Variants in CELF2 observed in about 807,000 individuals in gnomAD.
The protein encoded by CELF2 is CUG triplet repeat RNA-binding protein 2.
Under a neutral mutation model 62.6 loss-of-function variants are expected in CELF2, and 8 were observed. That is an observed-to-expected ratio of 0.13 (90% confidence interval 0.07 to 0.23). The LOEUF (loss-of-function observed/expected upper bound fraction) is 0.23, where lower values mean the gene tolerates loss of function less well. CELF2 is among the 10% of genes least tolerant of loss of function. CELF2 has a pLI of 1.00. For missense variants in CELF2, 333 were observed against 671.0 expected (o/e 0.50, Z 5.56); for synonymous variants, 258 against 250.0 (o/e 1.03, Z -0.30).
chr10:11,206,971 G>A (rs928956820), intron 2 of CELF2, among the ~76,000 whole-genome samples: 3 of 152,146 alleles, frequency 2.0e-5, no homozygotes, highest in East Asian at 1.9e-4. Context: ...TTGTCCCATC[G>A]GGGGAAAAAA....
chr10:10,564,698 A>G, the CELF2 span, among the ~76,000 whole-genome samples: 1 of 150,848 alleles, frequency 6.6e-6, no homozygotes, highest in African/African-American at 2.5e-5. Context: ...ACACACACAC[A>G]CACACACACA....
At chr10:10,925,314 C>T (rs942481929) in intron 2 of CELF2, 2 of 152,198 alleles carry the variant, frequency 1.3e-5, no homozygotes. Context: ...GCTCCCCCAG[C>T]TCTCCTGGGG....
At chr10:10,738,871 C>T in the CELF2 span, among the ~76,000 whole-genome samples, 2 of 152,084 alleles carry the variant, frequency 1.3e-5, no homozygotes, top group Non-Finnish European at 2.9e-5. Context: ...AAACCGTGGA[C>T]TTTAGTTAAT....
chr10:10,849,809 T>G (rs570369629), intron 1 of CELF2, among the ~76,000 whole-genome samples: 4 of 151,830 alleles, frequency 2.6e-5, no homozygotes, highest in Admixed American at 6.6e-5. Flanking sequence ...GGATAAAAAT[T>G]TATCCAGTTA....
intron 1 of CELF2, among the ~76,000 whole-genome samples, chr10:10,883,682 G>A (rs1303093582): frequency 2.0e-5 from 3 of 152,186 alleles, no homozygotes; most frequent in Non-Finnish European, 4.4e-5. Context: ...ACGGTGCGGA[G>A]TCCTGTGGTA....
At chr10:10,548,695 G>T in the CELF2 span, among the ~76,000 whole-genome samples, 1 of 151,828 alleles carries the variant, frequency 6.6e-6, no homozygotes, top group African/African-American at 2.4e-5. Flanking sequence ...TCTCTCTTTT[G>T]AGCTTTAAGT....
At chr10:10,664,371 T>C in the CELF2 span, among the ~76,000 whole-genome samples, 1 of 152,180 alleles carries the variant, frequency 6.6e-6, no homozygotes, top group Non-Finnish European at 1.5e-5. Context: ...GTGATATTTT[T>C]AAAAAGCTCT....
chr10:10,787,178 TCTCA>T, the CELF2 span, among the ~76,000 whole-genome samples: 1 of 151,520 alleles, frequency 6.6e-6, no homozygotes, highest in Admixed American at 6.6e-5. Context: ...AAATCAGAAT[TCTCA>T]CTTTTTAATG....
the CELF2 span, among the ~76,000 whole-genome samples, chr10:10,610,074 T>G: frequency 3.3e-5 from 5 of 152,244 alleles, no homozygotes; most frequent in African/African-American, 4.8e-5. Context: ...TCAATATATT[T>G]TGCTATGCAC....
At chr10:10,627,225 A>G in the CELF2 span, among the ~76,000 whole-genome samples, 1 of 152,352 alleles carries the variant, frequency 6.6e-6, no homozygotes, top group Admixed American at 6.5e-5. Flanking sequence ...AAACTTCCCA[A>G]GAAGACCTCT....
At chr10:10,724,157 T>G in the CELF2 span, among the ~76,000 whole-genome samples, 3 of 152,162 alleles carry the variant, frequency 2.0e-5, no homozygotes, top group Non-Finnish European at 4.4e-5. Context: ...ATTCTTTTAT[T>G]TTAAGTGAAA....
chr10:10,806,203 C>CTTTT (rs112165245), intron 1 of CELF2, among the ~76,000 whole-genome samples: 10 of 141,426 alleles, frequency 7.1e-5, no homozygotes, highest in Non-Finnish European at 9.1e-5. Context: ...TTCCAGTGTT[C>CTTTT]TTTTTTTTTT....
the CELF2 span, among the ~76,000 whole-genome samples, chr10:10,600,221 A>T: frequency 6.6e-6 from 1 of 152,188 alleles, no homozygotes; most frequent in African/African-American, 2.4e-5. Context: ...TTATGATTGG[A>T]CTGCGTGGGC....
rs1457319417 is a variant in CELF2 at position 11,330,115 on chromosome 10, A to ATCTG, written c.*1067_*1070dup. 6.6e-6 allele frequency: 1 copy of ATCTG among 152,550 alleles called. No individual in the cohort carries two copies. Among genetic ancestry groups the ATCTG allele is most frequent in the Non-Finnish European group, 1.5e-5 (1 of 68,028 alleles). 9.4% of individuals were successfully genotyped at this position (152,550 alleles called of 1,614,324 possible). On this transcript the variant is annotated 3_prime_UTR_variant, in exon 13 of 13. Transcript: ENST00000633077. This position sits in a 1 kb window ranked among gnomAD's most constrained non-coding sequence, Gnocchi z 4.5. ...CATGCTTTATCCTCTCGTTGTTTGT[A>ATCTG]TCTGTCTGATTATTTTGTTTGTAAC... is the stretch of plus-strand genomic sequence containing the variant.
chr10:10,771,629 A>G, the CELF2 span, among the ~76,000 whole-genome samples: 1 of 152,218 alleles, frequency 6.6e-6, no homozygotes, highest in African/African-American at 2.4e-5. Context: ...ATGAGATTTG[A>G]AGGTTTTATC....
At chr10:10,616,727 A>G in the CELF2 span, among the ~76,000 whole-genome samples, 87 of 151,016 alleles carry the variant, frequency 5.8e-4, no homozygotes, top group Non-Finnish European at 1.6e-4. Context: ...TGTGAGAGAG[A>G]GAGAGAGAGA....
the CELF2 span, among the ~76,000 whole-genome samples, chr10:10,740,566 C>T: frequency 6.6e-6 from 1 of 152,064 alleles, no homozygotes; most frequent in African/African-American, 2.4e-5. Context: ...GGTTTATCTC[C>T]CACTCCATGT....
At position 11,324,915 on chromosome 10, in the gene CELF2, G is replaced by A. The variant is rs535251748; in HGVS notation, c.1295-921G>A. ...ACCAGTTCTGTGAGCGCCCCTCCTC[G>A]GAAGACTCCATGCCTGGAACGCCCA... On this transcript the variant is annotated intron_variant, in intron 11 of 12. Coordinates refer to ENST00000633077, the MANE Select transcript of CELF2 (RefSeq NM_001326342.2). The surrounding 1 kb of genome is among the most constrained non-coding windows in gnomAD (Gnocchi z 4.7). 1.8e-4 allele frequency among the ~76,000 whole-genome samples: 28 copies of A among 152,184 alleles called. No homozygotes were observed. Among genetic ancestry groups the A allele is most frequent in the African/African-American group, 6.0e-4 (25 of 41,510 alleles).
intron 1 of CELF2, among the ~76,000 whole-genome samples, chr10:11,062,381 G>C (rs2066992501): frequency 6.6e-6 from 1 of 152,234 alleles, no homozygotes; most frequent in African/African-American, 2.4e-5. Context: ...TAATGGATCT[G>C]TGCAAAGTAA....
Sources: gnomAD v4.1 joint callset for allele counts (sites outside exome capture counted in the v4.1 genomes callset) on GRCh38, gnomAD v4.1.1 for gene constraint, Gnocchi (gnomAD v3.1) non-coding constraint, MANE v1.5 for transcripts, NCBI Gene and HGNC (gene_info 2026-07-23, HGNC 2026-07-21) for gene names.